Variants in TTC21A observed in about 807,000 individuals in gnomAD.
TTC21A encodes the protein tetratricopeptide repeat protein 21A.
In TTC21A, 128 loss-of-function variants were observed where a neutral mutation model predicts 156.4. The ratio of observed to expected loss-of-function variants is 0.82; its 90% confidence interval spans 0.71 to 0.95. TTC21A has a LOEUF of 0.95. Ranked by LOEUF, TTC21A falls within the 40% of genes least tolerant of loss-of-function variation. The pLI is 0.00. For missense variants in TTC21A, 1,435 were observed against 1,602.3 expected, an observed-to-expected ratio of 0.90 and a Z score of 1.78; for synonymous variants, 587 against 617.1, an observed-to-expected ratio of 0.95 and a Z score of 0.72.
At chr3:39,128,126 C>T (rs968128539) in intron 12 of TTC21A, among the ~76,000 whole-genome samples, 2 of 152,200 alleles carry the variant, frequency 1.3e-5, no homozygotes, top group African/African-American at 2.4e-5. Context: ...TTTGAGTTTC[C>T]TGTCGTTTGT....
At chr3:39,131,150 A>T in intron 19 of TTC21A, 55 bp downstream of exon 19, 1 of 1,443,934 alleles carries the variant, frequency 6.9e-7, no homozygotes, top group Non-Finnish European at 9.5e-7. Flanking sequence ...TGGGGGCTGA[A>T]GGAGGAGGAA....
Position 39,137,544 on chromosome 3 carries a change from T to A in TTC21A, c.3509T>A (p.Ile1170Asn), listed in dbSNP as rs368549916. ...CAAGCCTACGTGTTCCTGAAGCAGA[T>A]CCCCAAGGCGCGTATGCAGTTGAAG... ...LAQAYVFLKQIPKARMQLKRL... is the reference protein window; with the variant it reads ...LAQAYVFLKQNPKARMQLKRL... Residue 1170 changes from isoleucine to asparagine, a missense_variant, in exon 26 of 29, where the codon ATC becomes AAC. Transcript: ENST00000683103. 10 of 1,614,094 alleles carry A rather than the reference T, an allele frequency of 6.2e-6. No individual in the cohort carries two copies. The South Asian group carries it at 7.7e-5, about 12-fold the overall frequency.
At position 39,114,585 on chromosome 3, in the gene TTC21A, G is replaced by A. The variant is rs2037119509; in HGVS notation, c.559G>A (p.Ala187Thr). The change falls in exon 6 of 29, where the codon GCA (alanine) becomes ACA (threonine). Residue 187 changes from alanine (A) to threonine (T), a missense_variant and splice_region_variant. Transcript: ENST00000683103. ...TKDVLGLMGK[A>T]MYFMMQQNYS... ...GGCTCTTCTGTCTGGCTCCCAACAG[G>A]CAATGTACTTCATGATGCAGCAGAA... 6.2e-7 allele frequency: 1 copy of A among 1,614,130 alleles called. No homozygotes were observed. The highest frequency in any genetic ancestry group is 1.3e-5 in the African/African-American group (1 of 75,038).
intron 23 of TTC21A, 87 bp from the exon 24 acceptor site, chr3:39,136,812 G>A: frequency 6.6e-7 from 1 of 1,503,854 alleles, no homozygotes; most frequent in Non-Finnish European, 9.1e-7. Flanking sequence ...TCTGCTTTGT[G>A]CAGACTCACA....
intron 9 of TTC21A, among the ~76,000 whole-genome samples, chr3:39,124,645 C>T (rs181271661): frequency 3.8e-4 from 12 of 31,406 alleles, no homozygotes; most frequent in Admixed American, 7.4e-4. Context: ...GGCAAAAGAG[C>T]GAAACTCCGT....
At chr3:39,124,369 G>T (rs936985147) in intron 9 of TTC21A, among the ~76,000 whole-genome samples, 1 of 152,078 alleles carries the variant, frequency 6.6e-6, no homozygotes, top group African/African-American at 2.4e-5. Flanking sequence ...ATTTTAAAAA[G>T]CAGATTGTGG....
At chr3:39,125,613 C>A in intron 11 of TTC21A, 81 bp downstream of exon 11, 1 of 1,032,740 alleles carries the variant, frequency 9.7e-7, no homozygotes. Flanking sequence ...GAGGCAAGGA[C>A]CTTACTTGGC....
rs369092746 is a variant in TTC21A, at chr3:39,138,729, G to A, written c.3883G>A (p.Asp1295Asn). ...ICNDVLREHP[D>N]YPKIREEILE... ...GTTCCAGGTCCTCAGGGAGCACCCC[G>A]ACTACCCCAAGATCAGGGAGGAAAT... is the stretch of plus-strand genomic sequence containing the variant. Residue 1295 changes from aspartate (D) to asparagine (N), a missense_variant, in exon 29 of 29, where the codon GAC becomes AAC. Asp to Asn is a conservative substitution (Grantham distance 23). Transcript: ENST00000683103. The A allele has an allele frequency of 2.8e-5, 45 of 1,614,076 alleles. No homozygotes were observed. The highest frequency in any genetic ancestry group is 6.6e-5 in the South Asian group (6 of 91,048).
Position 39,126,351 on chromosome 3 carries a change from G to C in TTC21A, c.1483G>C (p.Asp495His). The C allele has an allele frequency of 6.2e-7, 1 of 1,613,944 alleles. No homozygotes were observed. The highest frequency in any genetic ancestry group is 8.5e-7 in the Non-Finnish European group (1 of 1,179,976). The stretch of plus-strand genomic sequence containing the variant: ...AGTCAAAGCAGCACCAGCTCTGATC[G>C]ACCCCCTGTATTTGATGGCTCAGGT... Reference protein sequence around the residue: ...PVVKAAPALIDPLYLMAQVRY... With the variant: ...PVVKAAPALIHPLYLMAQVRY... The change falls in exon 12 of 29, where the codon GAC (aspartate) becomes CAC (histidine). Residue 495 changes from aspartate (D) to histidine (H), a missense_variant. Transcript: ENST00000683103.
intron 12 of TTC21A, among the ~76,000 whole-genome samples, chr3:39,127,072 TCCAGGGGCCCTTTCACC>T (rs2038328900): frequency 6.6e-6 from 1 of 152,164 alleles, no homozygotes; most frequent in Non-Finnish European, 1.5e-5. Context: ...CTTCAGAGCC[TCCAGGGGCCCTTTCACC>T]TTCTCCCTTC....
intron 4 of TTC21A, 151 bp downstream of exon 4, chr3:39,111,168 G>A (rs1328392799): frequency 5.2e-6 from 4 of 774,456 alleles, no homozygotes; most frequent in Non-Finnish European, 8.0e-6. Flanking sequence ...GTTGCCCCAC[G>A]CGTGTTGTCT....
intron 26 of TTC21A, 179 bp from the exon 27 acceptor site, chr3:39,138,088 G>A (rs2039270418): frequency 1.3e-6 from 1 of 786,826 alleles, no homozygotes; most frequent in Non-Finnish European, 2.0e-6. Flanking sequence ...GCTGAGAGGA[G>A]GGCACACAGT....
At chr3:39,120,110 C>A in intron 8 of TTC21A, 90 bp downstream of exon 8, 1 of 885,828 alleles carries the variant, frequency 1.1e-6, no homozygotes, top group South Asian at 1.5e-5. Flanking sequence ...TCCTTGAGTG[C>A]CTTACCCCTC....
chr3:39,111,826 A>G (rs1193977431), intron 4 of TTC21A, among the ~76,000 whole-genome samples: 5 of 152,244 alleles, frequency 3.3e-5, no homozygotes, highest in Non-Finnish European at 7.3e-5. Flanking sequence ...GAACTATAAT[A>G]GAGAAATACT....
intron 28 of TTC21A, 30 bp downstream of exon 28, chr3:39,138,653 T>G (rs1258949795): frequency 6.2e-7 from 1 of 1,613,936 alleles, no homozygotes; most frequent in Non-Finnish European, 8.5e-7. Context: ...GGGGAGGGCC[T>G]GGTGTAGTGG....
chr3:39,128,241 C>T, intron 12 of TTC21A, 90 bp from the exon 13 acceptor site: 1 of 1,405,220 alleles, frequency 7.1e-7, no homozygotes. Context: ...TTCTGGGGAA[C>T]AGGACATGTA....
rs2036776127 is a variant in TTC21A, at chr3:39,110,982, G to C, written c.400G>C (p.Asp134His). Reference protein sequence around the residue: ...GRHDKAKEYIDRMLKISRGFR... With the variant: ...GRHDKAKEYIHRMLKISRGFR... ...CCATGACAAGGCCAAAGAGTACATT[G>C]ACCGCATGCTGAAGATTTCTAGAGG... Residue 134 changes from aspartate (D) to histidine (H), a missense_variant, in exon 4 of 29, where the codon GAC becomes CAC. Asp to His is a moderately conservative substitution (Grantham distance 81). Coordinates refer to ENST00000683103, the MANE Select transcript of TTC21A (RefSeq NM_001366900.1). 6.2e-7 allele frequency: 1 copy of C among 1,612,648 alleles called. No individual in the cohort carries two copies. The highest frequency in any genetic ancestry group is 1.3e-5 in the African/African-American group (1 of 74,890).
intron 28 of TTC21A, 32 bp from the exon 29 acceptor site, chr3:39,138,679 G>A (rs1021710911): frequency 6.8e-6 from 11 of 1,613,692 alleles, no homozygotes; most frequent in African/African-American, 2.7e-5. Context: ...AAACCTGCAT[G>A]ATACTGCACA....
intron 2 of TTC21A, 29 bp from the exon 3 acceptor site, chr3:39,110,000 G>C: frequency 1.3e-6 from 2 of 1,536,494 alleles, no homozygotes; most frequent in South Asian, 2.2e-5. Context: ...TGGAGCTTGA[G>C]AGTATAACTA....
Sources: gnomAD v4.1 joint callset for allele counts (sites outside exome capture counted in the v4.1 genomes callset) on GRCh38, gnomAD v4.1.1 for gene constraint, MANE v1.5 for transcripts, NCBI Gene and HGNC (gene_info 2026-07-23, HGNC 2026-07-21) for gene names.